HIBADH: variants seen among roughly 807,000 people sequenced by gnomAD.
The protein encoded by HIBADH is 3-hydroxyisobutyrate dehydrogenase, also known as 3-hydroxyisobutyrate dehydrogenase, mitochondrial.
Under a neutral mutation model 36.1 loss-of-function variants are expected in HIBADH, and 25 were observed. The observed-to-expected ratio is 0.69, with a 90% CI of 0.50 to 0.97. The LOEUF (loss-of-function observed/expected upper bound fraction) is 0.97, where lower values mean the gene tolerates loss of function less well. HIBADH is among the 50% of genes least tolerant of loss of function. The pLI is 0.00. For missense variants in HIBADH, 421 were observed against 418.0 expected, an observed-to-expected ratio of 1.01 and a Z score of -0.06; for synonymous variants, 160 against 149.5, an observed-to-expected ratio of 1.07 and a Z score of -0.51.
intron 6 of HIBADH, among the ~76,000 whole-genome samples, chr7:27,531,982 C>A (rs1784010541): frequency 6.6e-6 from 1 of 152,110 alleles, no homozygotes; most frequent in Admixed American, 6.6e-5. Flanking sequence ...CAAGTCTGCA[C>A]AGAGTTGTGA....
chr7:27,645,096 G>A (rs1365346576), intron 2 of HIBADH, among the ~76,000 whole-genome samples: 1 of 152,110 alleles, frequency 6.6e-6, no homozygotes, highest in African/African-American at 2.4e-5. Flanking sequence ...ACTTTTTCGT[G>A]ATGATGAATA....
chr7:27,613,611 A>G (rs1029515816), intron 4 of HIBADH, among the ~76,000 whole-genome samples: 1 of 151,466 alleles, frequency 6.6e-6, no homozygotes, highest in Middle Eastern at 3.2e-3. Flanking sequence ...GCCTGGAATC[A>G]GCTGTATAGA....
In HIBADH at chr7:27,603,647, A is replaced by G. The variant is rs556748635; in HGVS notation, c.484+25724T>C. 7.9e-5 allele frequency among the ~76,000 whole-genome samples: 12 copies of G among 152,300 alleles called. No homozygotes were observed. The East Asian group carries it at 2.3e-3, about 29-fold the overall frequency. On this transcript the variant is annotated intron_variant, in intron 4 of 7. Coordinates refer to ENST00000265395, the MANE Select transcript of HIBADH (RefSeq NM_152740.4). The stretch of plus-strand genomic sequence containing the variant: ...CAGTTTTTCTAAATTTCAGATATTT[A>G]AAAAGAATTAAATATAACATCTTTA...
intron 1 of HIBADH, among the ~76,000 whole-genome samples, chr7:27,656,070 TAA>T (rs962018358): frequency 1.3e-5 from 2 of 152,162 alleles, no homozygotes; most frequent in African/African-American, 2.4e-5. Context: ...AACTTTGTCT[TAA>T]AGAGTCAGGC....
intron 4 of HIBADH, among the ~76,000 whole-genome samples, chr7:27,623,173 G>A (rs548866229): frequency 6.6e-6 from 1 of 152,132 alleles, no homozygotes; most frequent in South Asian, 2.1e-4. Context: ...CATCTCAATA[G>A]ACACAGGAAG....
intron 5 of HIBADH, 52 bp from the exon 6 acceptor site, chr7:27,538,469 C>CA: frequency 1.3e-6 from 2 of 1,503,552 alleles, no homozygotes; most frequent in Non-Finnish European, 9.2e-7. Context: ...AGGTAAAACT[C>CA]ACAGGACGTT....
intron 4 of HIBADH, among the ~76,000 whole-genome samples, chr7:27,602,945 C>A (rs973168132): frequency 6.6e-6 from 1 of 152,116 alleles, no homozygotes; most frequent in Non-Finnish European, 1.5e-5. Context: ...AGATACCCAG[C>A]ATTGTTTATG....
At chr7:27,589,507 A>G (rs2128288764) in intron 4 of HIBADH, among the ~76,000 whole-genome samples, 1 of 152,288 alleles carries the variant, frequency 6.6e-6, no homozygotes, top group South Asian at 2.1e-4. Context: ...ACTTTTCTAG[A>G]CCCTTAAGAA....
rs552912176 is a variant in HIBADH, at chr7:27,624,191, T to C, written c.484+5180A>G. 1.1e-4 allele frequency among the ~76,000 whole-genome samples: 8 copies of C among 72,886 alleles called. No homozygotes were observed. In the East Asian group the frequency reaches 8.6e-3, roughly 78 times the overall value. The allele number at this position is 72,886 out of a possible 152,430, so 47.8% of individuals were successfully genotyped here. A position where few individuals can be genotyped will look rare whatever the true frequency, so the allele number is the denominator to read the frequency against. On this transcript the variant is annotated intron_variant, in intron 4 of 7. Transcript: ENST00000265395. Reference sequence around the variant, plus strand: ...AATTACCAAGTTATTTTTCACAATATCAGAAAAAAAAAAATCCTAAAATTT... The same window carrying C: ...AATTACCAAGTTATTTTTCACAATACCAGAAAAAAAAAAATCCTAAAATTT...
intron 4 of HIBADH, among the ~76,000 whole-genome samples, chr7:27,593,438 C>A (rs1048693207): frequency 1.3e-5 from 2 of 152,060 alleles, no homozygotes; most frequent in Admixed American, 1.3e-4. Context: ...AATGCAGTAA[C>A]TGACTCATAC....
intron 4 of HIBADH, among the ~76,000 whole-genome samples, chr7:27,584,467 T>A (rs1337716406): frequency 6.6e-6 from 1 of 152,136 alleles, no homozygotes; most frequent in Non-Finnish European, 1.5e-5. Context: ...TTCTAATTTT[T>A]ACTTGAAAGA....
chr7:27,559,444 A>C (rs1197040234), intron 4 of HIBADH, among the ~76,000 whole-genome samples: 1 of 152,144 alleles, frequency 6.6e-6, no homozygotes, highest in East Asian at 1.9e-4. Context: ...CAAAAAAGCA[A>C]GATCTCATCT....
intron 6 of HIBADH, among the ~76,000 whole-genome samples, chr7:27,536,824 A>C (rs1784077354): frequency 1.3e-5 from 2 of 152,190 alleles, no homozygotes; most frequent in South Asian, 2.1e-4. Flanking sequence ...TCAAGGTGAG[A>C]AGCACAGAGT....
intron 4 of HIBADH, among the ~76,000 whole-genome samples, chr7:27,622,229 G>A (rs545127736): frequency 2.6e-5 from 4 of 151,994 alleles, no homozygotes; most frequent in Non-Finnish European, 5.9e-5. Flanking sequence ...TGGATGACAA[G>A]GCAAGAGCCT....
At chr7:27,538,563 T>C in intron 5 of HIBADH, 146 bp from the exon 6 acceptor site, 1 of 685,742 alleles carries the variant, frequency 1.5e-6, no homozygotes, top group African/African-American at 1.8e-5. Context: ...GAGAACCTGA[T>C]GCAGCATGGC....
intron 4 of HIBADH, among the ~76,000 whole-genome samples, chr7:27,568,365 CAT>C (rs1286640908): frequency 6.6e-6 from 1 of 152,084 alleles, no homozygotes; most frequent in African/African-American, 2.4e-5. Flanking sequence ...TTTTGGCCTA[CAT>C]GTTTTTTTCT....
chr7:27,569,943 G>T (rs1784604463), intron 4 of HIBADH, among the ~76,000 whole-genome samples: 2 of 152,102 alleles, frequency 1.3e-5, no homozygotes, highest in Admixed American at 1.3e-4. Flanking sequence ...ACAAGACAGA[G>T]CATTTCTTCC....
At chr7:27,575,802 T>C (rs1044807938) in intron 4 of HIBADH, among the ~76,000 whole-genome samples, 2 of 152,190 alleles carry the variant, frequency 1.3e-5, no homozygotes, top group Non-Finnish European at 2.9e-5. Flanking sequence ...AAAACAGTTT[T>C]TATCATGTAA....
At chr7:27,526,555 A>G (rs752136383) in intron 7 of HIBADH, among the ~76,000 whole-genome samples, 183 bp from the exon 8 acceptor site, 2 of 152,252 alleles carry the variant, frequency 1.3e-5, no homozygotes, top group Non-Finnish European at 2.9e-5. Context: ...AAATTGCTCC[A>G]GACAGAAACC....
Sources: gnomAD v4.1 joint callset for allele counts (sites outside exome capture counted in the v4.1 genomes callset) on GRCh38, gnomAD v4.1.1 for gene constraint, MANE v1.5 for transcripts, NCBI Gene and HGNC (gene_info 2026-07-23, HGNC 2026-07-21) for gene names.